Variants in CEP85 observed in about 807,000 individuals in gnomAD.
The protein encoded by CEP85 is centrosomal protein of 85 kDa.
In CEP85, 58 loss-of-function variants were observed where a neutral mutation model predicts 93.7. The observed-to-expected ratio is 0.62, with a 90% CI of 0.50 to 0.77. The LOEUF (loss-of-function observed/expected upper bound fraction) is 0.77, where lower values mean the gene tolerates loss of function less well. CEP85 is among the 30% of genes least tolerant of loss of function. CEP85 has a pLI of 0.00. For missense variants in CEP85, 868 were observed against 922.0 expected (o/e 0.94, Z 0.76); for synonymous variants, 314 against 338.6 (o/e 0.93, Z 0.80).
intron 1 of CEP85, among the ~76,000 whole-genome samples, chr1:26,236,407 T>C (rs76374166): frequency 0.016 from 2,437 of 149,424 alleles, 138 homozygotes; most frequent in Admixed American, 0.11. Flanking sequence ...TTTTTTTTTT[T>C]CCCCTCTGTC....
At chr1:26,239,206 A>G (rs963460809) in intron 1 of CEP85, among the ~76,000 whole-genome samples, 2 of 152,190 alleles carry the variant, frequency 1.3e-5, no homozygotes, top group Non-Finnish European at 1.5e-5. Context: ...CTCTGGTTCT[A>G]GGTTTTCTAT....
chr1:26,241,135 G>A (rs2089416614), intron 2 of CEP85, among the ~76,000 whole-genome samples: 1 of 151,876 alleles, frequency 6.6e-6, no homozygotes, highest in African/African-American at 2.4e-5. Context: ...GCCTTACTCA[G>A]CGTAGATATT....
rs757072784 is a variant in CEP85, at chr1:26,255,296, G to A, written c.334G>A (p.Gly112Arg). 2.5e-6 allele frequency: 4 copies of A among 1,614,118 alleles called. No homozygotes were observed. The East Asian group carries it at 8.9e-5, about 36-fold the overall frequency. The stretch of plus-strand genomic sequence containing the variant: ...TGCCAAGCCAAATTCTACACCTGTT[G>A]GACCCTCTTCCTCTAAACTCCCTTT... ...SPAKPNSTPVGPSSSKLPLSG... is the reference protein window; with the variant it reads ...SPAKPNSTPVRPSSSKLPLSG... Residue 112 changes from glycine to arginine, a missense_variant, in exon 4 of 14, where the codon GGA becomes AGA. Transcript: ENST00000451429.
intron 1 of CEP85, among the ~76,000 whole-genome samples, chr1:26,235,693 C>T (rs2089316257): frequency 6.6e-6 from 1 of 151,836 alleles, no homozygotes; most frequent in South Asian, 2.1e-4. Flanking sequence ...CTGCCTCAGC[C>T]TCCCGAGTAG....
intron 7 of CEP85, among the ~76,000 whole-genome samples, chr1:26,262,151 C>CA (rs1289354162): frequency 6.6e-6 from 1 of 151,982 alleles, no homozygotes; most frequent in Non-Finnish European, 1.5e-5. Context: ...ACTAAAAATA[C>CA]AAAAAATTAG....
chr1:26,263,785 A>C (rs1184102239), intron 7 of CEP85, among the ~76,000 whole-genome samples: 1 of 152,148 alleles, frequency 6.6e-6, no homozygotes, highest in Non-Finnish European at 1.5e-5. Flanking sequence ...TATATAGTTG[A>C]CCTTGGAACA....
chr1:26,248,970 C>T (rs1459889896), intron 3 of CEP85, among the ~76,000 whole-genome samples: 2 of 152,166 alleles, frequency 1.3e-5, no homozygotes, highest in Admixed American at 1.3e-4. Flanking sequence ...TCACGATCTG[C>T]CCACCTCGGC....
rs75538848 is a variant in CEP85 at position 26,242,224 on chromosome 1, G to A, written c.56-1942G>A. 5.3e-3 allele frequency among the ~76,000 whole-genome samples: 813 copies of A among 152,264 alleles called. 7 individuals are homozygous for A. The highest frequency in any genetic ancestry group is 0.019 in the African/African-American group (791 of 41,558). ...AGATTAGTAGTAGTAACAGGGAAGC[G>A]GTTTCCAGTAGGAAGTCAGGAAGAT... On this transcript the variant is annotated intron_variant, in intron 2 of 13. Coordinates refer to ENST00000451429, the MANE Select transcript of CEP85 (RefSeq NM_001319944.2).
intron 3 of CEP85, among the ~76,000 whole-genome samples, chr1:26,250,204 C>T (rs2089584171): frequency 6.6e-6 from 1 of 152,210 alleles, no homozygotes; most frequent in African/African-American, 2.4e-5. Context: ...CAGTACCAGT[C>T]CATGGCATAT....
chr1:26,240,450 G>A (rs999183057), intron 2 of CEP85, among the ~76,000 whole-genome samples: 10 of 151,900 alleles, frequency 6.6e-5, no homozygotes, highest in South Asian at 2.1e-4. Flanking sequence ...ACCTTAAATC[G>A]TCTCTAGATT....
At chr1:26,257,160 T>G (rs933113488) in intron 4 of CEP85, among the ~76,000 whole-genome samples, 7 of 152,104 alleles carry the variant, frequency 4.6e-5, no homozygotes, top group African/African-American at 1.4e-4. Context: ...TTAGAACTCC[T>G]GAGCTTGGGC....
intron 3 of CEP85, among the ~76,000 whole-genome samples, chr1:26,246,694 A>T (rs1471424886): frequency 6.6e-6 from 1 of 150,900 alleles, no homozygotes; most frequent in Non-Finnish European, 1.5e-5. Context: ...GTGCCATTGC[A>T]CTCCAGCTTG....
intron 3 of CEP85, among the ~76,000 whole-genome samples, chr1:26,249,425 C>T (rs1291825768): frequency 5.3e-5 from 8 of 152,180 alleles, no homozygotes; most frequent in East Asian, 1.9e-4. Flanking sequence ...ATCTAGCTTG[C>T]GGTCTAGTTG....
chr1:26,238,131 T>A (rs2089356991), intron 1 of CEP85, among the ~76,000 whole-genome samples: 1 of 150,102 alleles, frequency 6.7e-6, no homozygotes, highest in Non-Finnish European at 1.5e-5. Flanking sequence ...TAAAGTACAT[T>A]AGAGAAATAG....
chr1:26,274,668 T>C (rs942256608), intron 11 of CEP85, among the ~76,000 whole-genome samples: 6 of 152,134 alleles, frequency 3.9e-5, no homozygotes, highest in Admixed American at 3.9e-4. Context: ...TCATTCATCG[T>C]GACGGTGTAG....
chr1:26,254,177 G>C lies in CEP85; in HGVS notation c.209-994G>C, dbSNP rs375932291. Among the ~76,000 whole-genome samples the C allele has an allele frequency of 3.8e-4, 58 of 152,222 alleles. 1 individual carries two copies. Among genetic ancestry groups the C allele is most frequent in the African/African-American group, 1.4e-3 (58 of 41,532 alleles). On this transcript the variant is annotated intron_variant, in intron 3 of 13. Coordinates refer to ENST00000451429, the MANE Select transcript of CEP85 (RefSeq NM_001319944.2). The stretch of plus-strand genomic sequence containing the variant: ...TATGCTTGATTTGGGAACGAGTACT[G>C]AATATAGTTGAAAAGAGAAGAAATT...
Position 26,248,677 on chromosome 1 carries a change from G to T in CEP85, c.208+4359G>T, listed in dbSNP as rs138609982. Among the ~76,000 whole-genome samples, 875 of 141,936 alleles carry T rather than the reference G, an allele frequency of 6.2e-3. 10 individuals carry two copies. Among genetic ancestry groups the T allele is most frequent in the African/African-American group, 0.02 (770 of 37,942 alleles). The allele number at this position is 141,936 out of a possible 152,430, so 93.1% of individuals were successfully genotyped here. On this transcript the variant is annotated intron_variant, in intron 3 of 13. Coordinates refer to ENST00000451429, the MANE Select transcript of CEP85 (RefSeq NM_001319944.2). Reference sequence around the variant, plus strand: ...TGCCTGGCTAATTTTTGTATTTTTAGTAGAGATGGGGTTTCACCATGTTGG... The same window carrying T: ...TGCCTGGCTAATTTTTGTATTTTTATTAGAGATGGGGTTTCACCATGTTGG...
Position 26,244,193 on chromosome 1 carries a change from C to T in CEP85, c.83C>T (p.Ser28Phe). The part of the protein sequence containing the change: ...PSSDVIQKGS[S>F]LGTEWQTPVI... ...TCCGATGTGATTCAGAAGGGCAGTT[C>T]CCTGGGGACTGAATGGCAGACCCCA... Residue 28 changes from serine to phenylalanine, a missense_variant, in exon 3 of 14, where the codon TCC becomes TTC. By Grantham distance (155) the Ser-to-Phe change is radical. Coordinates refer to ENST00000451429, the MANE Select transcript of CEP85 (RefSeq NM_001319944.2). 1.9e-6 allele frequency: 3 copies of T among 1,613,198 alleles called. No homozygotes were observed. The highest frequency in any genetic ancestry group is 2.5e-6 in the Non-Finnish European group (3 of 1,179,882).
At position 26,244,999 on chromosome 1, in the gene CEP85, A is replaced by G. The variant is rs527716091; in HGVS notation, c.208+681A>G. Among the ~76,000 whole-genome samples, 9 of 152,072 alleles carry G rather than the reference A, an allele frequency of 5.9e-5. No homozygotes were observed. In the East Asian group the frequency reaches 1.7e-3, roughly 29 times the overall value. On this transcript the variant is annotated intron_variant, in intron 3 of 13. Transcript: ENST00000451429. ...TCGTCCCTATCCCACCCACTCAAAC[A>G]TATTTCCTGCTGTCACCAAGTCTGA...
Sources: gnomAD v4.1 joint callset for allele counts (sites outside exome capture counted in the v4.1 genomes callset) on GRCh38, gnomAD v4.1.1 for gene constraint, MANE v1.5 for transcripts, NCBI Gene and HGNC (gene_info 2026-07-23, HGNC 2026-07-21) for gene names.